The following ST6GALNAC5 variants were observed in gnomAD, a reference collection of about 807,000 sequenced individuals.
ST6GALNAC5 encodes the protein alpha-N-acetylgalactosaminide alpha-2,6-sialyltransferase 5.
A neutral mutation model predicts 33.6 loss-of-function variants in ST6GALNAC5; 27 were observed. The ratio of observed to expected loss-of-function variants is 0.80; its 90% CI spans 0.59 to 1.11. The LOEUF is 1.11. Among genes scored for constraint, ST6GALNAC5 ranks in the 50% least tolerant of loss-of-function variants. ST6GALNAC5 has a pLI of 0.00. For synonymous variants in ST6GALNAC5, 194 were observed against 171.2 expected, an observed-to-expected ratio of 1.13 and a Z score of -1.04; for missense variants, 428 against 454.0, an observed-to-expected ratio of 0.94 and a Z score of 0.52.
In ST6GALNAC5 at chr1:76,966,969, C is replaced by T. The variant is rs192417552; in HGVS notation, c.262-77235C>T. Among the ~76,000 whole-genome samples the T allele has an allele frequency of 3.2e-4, 49 of 152,262 alleles. 1 individual carries two copies. Among genetic ancestry groups the T allele is most frequent in the African/African-American group, 1.2e-3 (49 of 41,546 alleles). On this transcript the variant is annotated intron_variant, in intron 2 of 4. Coordinates refer to ENST00000477717, the MANE Select transcript of ST6GALNAC5 (RefSeq NM_030965.3). ...AGCTGACTTGATCGTGGTGCATAAG[C>T]TTTTTGATGTGCTGCTGGATTCAGA...
intron 2 of ST6GALNAC5, among the ~76,000 whole-genome samples, chr1:76,931,281 C>A (rs1647138340): frequency 6.6e-6 from 1 of 152,110 alleles, no homozygotes; most frequent in Non-Finnish European, 1.5e-5. Context: ...CCACACCCTG[C>A]CAACACCTTC....
chr1:76,932,146 A>T (rs1029506907), intron 2 of ST6GALNAC5, among the ~76,000 whole-genome samples: 5 of 152,116 alleles, frequency 3.3e-5, no homozygotes, highest in African/African-American at 1.2e-4. Flanking sequence ...GGAGACATTG[A>T]ACTAAGGAAA....
intron 2 of ST6GALNAC5, among the ~76,000 whole-genome samples, chr1:76,949,419 T>A (rs1338606242): frequency 6.6e-6 from 1 of 152,124 alleles, no homozygotes; most frequent in African/African-American, 2.4e-5. Context: ...TGGATAGAGC[T>A]GGCGTGAGGA....
chr1:76,867,480 AG>A lies in ST6GALNAC5; in HGVS notation c.-195del. On this transcript the variant is annotated 5_prime_UTR_variant, in exon 1 of 5. Coordinates refer to ENST00000477717, the MANE Select transcript of ST6GALNAC5 (RefSeq NM_030965.3). ...CTGAGAGACTACGAGGGTCCGGTTC[AG>A]TTTTAATTCTGTCTCTAATCTCTGC... 2.6e-6 allele frequency: 2 copies of A among 765,324 alleles called. No individual in the cohort carries two copies. The highest frequency in any genetic ancestry group is 1.8e-5 in the African/African-American group (1 of 56,906). 47.4% of individuals were successfully genotyped at this position (765,324 alleles called of 1,614,324 possible).
At chr1:77,012,790 A>C (rs1353877540) in intron 2 of ST6GALNAC5, among the ~76,000 whole-genome samples, 2 of 152,200 alleles carry the variant, frequency 1.3e-5, no homozygotes, top group East Asian at 3.9e-4. Context: ...TGAATTAGGC[A>C]GTACTCTAGG....
intron 2 of ST6GALNAC5, among the ~76,000 whole-genome samples, chr1:76,984,181 T>C (rs1190839357): frequency 1.3e-5 from 2 of 152,012 alleles, no homozygotes; most frequent in East Asian, 3.9e-4. Flanking sequence ...CTGAAAGAGA[T>C]AGAGACACAA....
intron 2 of ST6GALNAC5, among the ~76,000 whole-genome samples, chr1:76,918,359 C>A (rs1026531257): frequency 2.0e-5 from 3 of 151,790 alleles, no homozygotes; most frequent in Non-Finnish European, 2.9e-5. Context: ...GTGACTCACA[C>A]CTGTAATCCC....
chr1:77,053,272 C>T (rs1381264267), intron 4 of ST6GALNAC5, among the ~76,000 whole-genome samples: 3 of 152,124 alleles, frequency 2.0e-5, no homozygotes, highest in African/African-American at 4.8e-5. Context: ...GGTAAGCTAT[C>T]GCCAGGGCCA....
chr1:77,007,553 G>T (rs1000027475), intron 2 of ST6GALNAC5, among the ~76,000 whole-genome samples: 3 of 152,186 alleles, frequency 2.0e-5, no homozygotes, highest in African/African-American at 7.2e-5. Flanking sequence ...TTTTGTGGTT[G>T]TCATTGTTTA....
intron 2 of ST6GALNAC5, among the ~76,000 whole-genome samples, chr1:77,011,061 G>A (rs1024841332): frequency 4.5e-5 from 5 of 110,024 alleles, no homozygotes; most frequent in African/African-American, 1.8e-4. Context: ...TGAAAAGCAG[G>A]GGACAGAATA....
chr1:77,026,047 A>T (rs980196728), intron 2 of ST6GALNAC5, among the ~76,000 whole-genome samples: 5 of 152,184 alleles, frequency 3.3e-5, no homozygotes, highest in African/African-American at 1.2e-4. Context: ...TTCTAACCTG[A>T]ATTCTAGTCT....
chr1:77,033,687 G>A (rs1651546139), intron 2 of ST6GALNAC5, among the ~76,000 whole-genome samples: 1 of 152,126 alleles, frequency 6.6e-6, no homozygotes, highest in Non-Finnish European at 1.5e-5. Context: ...AGACCTGAGC[G>A]ATGAGGAGCC....
In ST6GALNAC5 at chr1:77,067,055, C is replaced by T. The variant is rs1286964208; in HGVS notation, c.*3849C>T. 1.3e-5 allele frequency among the ~76,000 whole-genome samples: 2 copies of T among 152,150 alleles called. No homozygotes were observed. The highest frequency in any genetic ancestry group is 4.8e-5 in the African/African-American group (2 of 41,446). ...GTGGGGAGTGAAGAAGAGGGGTCCC[C>T]AAGACACAGACTTCAGTGCTAAAAC... is the stretch of plus-strand genomic sequence containing the variant. On this transcript the variant is annotated 3_prime_UTR_variant, in exon 5 of 5. Coordinates refer to ENST00000477717, the MANE Select transcript of ST6GALNAC5 (RefSeq NM_030965.3).
At chr1:76,941,249 T>C (rs915985537) in intron 2 of ST6GALNAC5, among the ~76,000 whole-genome samples, 1 of 152,116 alleles carries the variant, frequency 6.6e-6, no homozygotes, top group Non-Finnish European at 1.5e-5. Context: ...GCATCAGGCA[T>C]GTAACAGGCG....
At position 77,005,535 on chromosome 1, in the gene ST6GALNAC5, G is replaced by T. The variant is rs1305563139; in HGVS notation, c.262-38669G>T. Among the ~76,000 whole-genome samples the T allele has an allele frequency of 2.0e-5, 3 of 152,210 alleles. No homozygotes were observed. In the East Asian group the frequency reaches 5.8e-4, roughly 29 times the overall value. ...CTCCTCTCAGGTTTGGGTTTTTTAT[G>T]ATGGTAAAATATACATATTATAAAA... On this transcript the variant is annotated intron_variant, in intron 2 of 4. Transcript: ENST00000477717.
rs996488161 is a variant in ST6GALNAC5 at position 77,067,263 on chromosome 1, T to C, written c.*4057T>C. Among the ~76,000 whole-genome samples the C allele has an allele frequency of 6.6e-6, 1 of 152,356 alleles. No homozygotes were observed. Among genetic ancestry groups the C allele is most frequent in the East Asian group, 1.9e-4 (1 of 5,184 alleles). On this transcript the variant is annotated 3_prime_UTR_variant, in exon 5 of 5. Transcript: ENST00000477717. Reference sequence around the variant, plus strand: ...GTCTCAAGGTTTAAAAATGAGCAAGTGTAGCCCCTCTTTTGTAGCTCACTC... The same window carrying C: ...GTCTCAAGGTTTAAAAATGAGCAAGCGTAGCCCCTCTTTTGTAGCTCACTC...
chr1:76,888,715 T>C (rs1295990743), intron 2 of ST6GALNAC5, among the ~76,000 whole-genome samples: 1 of 152,158 alleles, frequency 6.6e-6, no homozygotes, highest in African/African-American at 2.4e-5. Context: ...TTGATTTCTA[T>C]TCTTTCAATG....
Position 77,029,583 on chromosome 1 carries a change from C to T in ST6GALNAC5, c.262-14621C>T, listed in dbSNP as rs377205110. Among the ~76,000 whole-genome samples, 159 of 152,302 alleles carry T rather than the reference C, an allele frequency of 1.0e-3. 1 individual carries two copies. Among genetic ancestry groups the T allele is most frequent in the African/African-American group, 3.7e-3 (153 of 41,578 alleles). On this transcript the variant is annotated intron_variant, in intron 2 of 4. Transcript: ENST00000477717. ...TCCCTAGAGGCATGGGGACTAGAAACGAAGTCCCTGACTGGGCAGCCACTT... is the reference window on the plus strand; with the variant it reads ...TCCCTAGAGGCATGGGGACTAGAAATGAAGTCCCTGACTGGGCAGCCACTT...
rs553782079 is a variant in ST6GALNAC5, at chr1:76,878,584, G to A, written c.261+9842G>A. Among the ~76,000 whole-genome samples the A allele has an allele frequency of 7.9e-5, 12 of 152,262 alleles. No individual in the cohort carries two copies. In the East Asian group the frequency reaches 2.1e-3, roughly 27 times the overall value. ...GCTGGCGATCTCCTGGGGAAAGGAT[G>A]GGAAAAAGAGTCACTGCATAAATTG... On this transcript the variant is annotated intron_variant, in intron 2 of 4. Transcript: ENST00000477717.
Sources: gnomAD v4.1 joint callset for allele counts (sites outside exome capture counted in the v4.1 genomes callset) on GRCh38, gnomAD v4.1.1 for gene constraint, MANE v1.5 for transcripts, NCBI Gene and HGNC (gene_info 2026-07-23, HGNC 2026-07-21) for gene names.